CTNNA2: variants seen among roughly 807,000 people sequenced by gnomAD.
CTNNA2 encodes the protein catenin alpha 2, also known as catenin alpha-2.
Under a neutral mutation model 101.0 loss-of-function variants are expected in CTNNA2, and 42 were observed. That is an observed-to-expected ratio of 0.42 (90% CI 0.32 to 0.54). CTNNA2 has a LOEUF of 0.54. CTNNA2 is among the 20% of genes least tolerant of loss of function. CTNNA2 has a pLI of 0.14. For synonymous variants in CTNNA2, 450 were observed against 456.4 expected, an observed-to-expected ratio of 0.99 and a Z score of 0.18; for missense variants, 871 against 1,223.1, an observed-to-expected ratio of 0.71 and a Z score of 4.29.
intron 7 of CTNNA2, among the ~76,000 whole-genome samples, chr2:80,025,254 C>G (rs1057274884): frequency 1.3e-5 from 2 of 152,138 alleles, no homozygotes; most frequent in African/African-American, 4.8e-5. Context: ...GTGAAGTTCT[C>G]AGTTAGGGCC....
At chr2:79,197,428 A>AGACTAG (rs779454010) in intron 1 of CTNNA2, among the ~76,000 whole-genome samples, 1 of 152,232 alleles carries the variant, frequency 6.6e-6, no homozygotes, top group Non-Finnish European at 1.5e-5. Flanking sequence ...AGAAGCTGCC[A>AGACTAG]GTCATTGACC....
At chr2:80,512,436 A>G (rs879583747) in intron 9 of CTNNA2, among the ~76,000 whole-genome samples, 13 of 152,274 alleles carry the variant, frequency 8.5e-5, no homozygotes, top group Admixed American at 8.5e-4. Context: ...TGTAGGTTTA[A>G]AAGATAAACG....
chr2:79,753,982 C>T (rs1415034383), intron 3 of CTNNA2, among the ~76,000 whole-genome samples: 3 of 151,128 alleles, frequency 2.0e-5, no homozygotes, highest in Non-Finnish European at 2.9e-5. Context: ...TATTCTCCTG[C>T]CTCAGCCTCC....
chr2:79,304,380 A>G lies in CTNNA2; in HGVS notation c.-405-8329A>G, dbSNP rs78920503. Among the ~76,000 whole-genome samples the G allele has an allele frequency of 2.6e-3, 394 of 152,312 alleles. 9 individuals carry two copies. The East Asian group carries it at 0.062, about 24-fold the overall frequency. ...TCCCAGAACAGTATCTTAGTATTCT[A>G]AAACTGGTTGAATCACAGAAAAATA... On this transcript the variant is annotated intron_variant, in intron 2 of 21. Coordinates refer to the CTNNA2 transcript ENST00000466387.
At chr2:79,703,950 T>TTG (rs1685175643) in intron 2 of CTNNA2, among the ~76,000 whole-genome samples, 2 of 75,884 alleles carry the variant, frequency 2.6e-5, no homozygotes, top group Admixed American at 1.5e-4. Context: ...CACTTTAAAT[T>TTG]TATGTGATAA....
At chr2:80,295,214 G>A (rs1675634269) in intron 7 of CTNNA2, among the ~76,000 whole-genome samples, 1 of 144,122 alleles carries the variant, frequency 6.9e-6, no homozygotes, top group Non-Finnish European at 1.5e-5. Flanking sequence ...CATTTTGAGA[G>A]TCCTGAACAA....
chr2:80,194,797 A>G (rs1706732452), intron 7 of CTNNA2, among the ~76,000 whole-genome samples: 1 of 150,734 alleles, frequency 6.6e-6, no homozygotes, highest in South Asian at 2.1e-4. Flanking sequence ...GAATCATGCT[A>G]TATACATCTG....
chr2:79,477,168 C>CTTTTTTTTTTTTTTTTTTTTTTTTTTTT (rs5832392), intron 4 of CTNNA2, among the ~76,000 whole-genome samples: 19 of 123,144 alleles, frequency 1.5e-4, no homozygotes, highest in East Asian at 2.6e-4. Context: ...TCTTTTTTTT[C>CTTTTTTTTTTTTTTTTTTTTTTTTTTTT]TTTTTTTTTT....
At chr2:79,967,499 T>C (rs13028697) in intron 7 of CTNNA2, among the ~76,000 whole-genome samples, 52,154 of 151,982 alleles carry the variant, frequency 0.34, 10,277 homozygotes, top group Non-Finnish European at 0.45. Flanking sequence ...TGACCAATTC[T>C]CCAAATAGTA....
chr2:79,387,904 G>T (rs1678122728), intron 4 of CTNNA2, among the ~76,000 whole-genome samples: 1 of 152,192 alleles, frequency 6.6e-6, no homozygotes, highest in Non-Finnish European at 1.5e-5. Context: ...AAAGCAGGGA[G>T]TGAGAATATA....
intron 2 of CTNNA2, among the ~76,000 whole-genome samples, chr2:79,299,628 G>A (rs1409463555): frequency 1.3e-5 from 2 of 152,188 alleles, no homozygotes; most frequent in Non-Finnish European, 1.5e-5. Flanking sequence ...TATGAGGTGT[G>A]TAGGGAAGAA....
chr2:80,171,682 C>A (rs1279539523), intron 7 of CTNNA2, among the ~76,000 whole-genome samples: 1 of 152,148 alleles, frequency 6.6e-6, no homozygotes, highest in Non-Finnish European at 1.5e-5. Flanking sequence ...AAAAGCGATG[C>A]CCAGGGAAAG....
intron 4 of CTNNA2, among the ~76,000 whole-genome samples, chr2:79,406,593 A>G (rs1573150660): frequency 6.6e-6 from 1 of 152,042 alleles, no homozygotes; most frequent in South Asian, 2.1e-4. Flanking sequence ...TATCATCAGT[A>G]TCAGTTACTG....
chr2:80,503,759 A>G (rs566870204), intron 9 of CTNNA2, among the ~76,000 whole-genome samples: 2 of 152,262 alleles, frequency 1.3e-5, no homozygotes, highest in South Asian at 4.1e-4. Flanking sequence ...GTTTGGGTCC[A>G]GAGCCTGGAA....
intron 6 of CTNNA2, among the ~76,000 whole-genome samples, chr2:79,909,167 ACGTG>A (rs201607282): frequency 5.4e-5 from 5 of 92,724 alleles, no homozygotes; most frequent in African/African-American, 2.5e-4. Flanking sequence ...AGGAGGATTA[ACGTG>A]TGTGTATACA....
chr2:79,841,983 G>C (rs1223384766), intron 3 of CTNNA2, among the ~76,000 whole-genome samples: 1 of 152,146 alleles, frequency 6.6e-6, no homozygotes, highest in African/African-American at 2.4e-5. Flanking sequence ...AGAGAAAATG[G>C]TCTTTTTCTT....
intron 9 of CTNNA2, among the ~76,000 whole-genome samples, chr2:80,502,152 C>A (rs1289327858): frequency 6.6e-6 from 1 of 152,150 alleles, no homozygotes; most frequent in East Asian, 1.9e-4. Flanking sequence ...CACATTAAAT[C>A]AGCAGTGCTC....
intron 2 of CTNNA2, among the ~76,000 whole-genome samples, chr2:79,302,651 C>G (rs1188503521): frequency 6.6e-6 from 1 of 152,012 alleles, no homozygotes; most frequent in Non-Finnish European, 1.5e-5. Context: ...GAGAAAGTAC[C>G]CTTTCAAGTA....
rs867820900 is a variant in CTNNA2 at position 80,075,699 on chromosome 2, T to A, written c.1056+165902T>A. 6.3e-4 allele frequency among the ~76,000 whole-genome samples: 51 copies of A among 80,502 alleles called. 3 individuals are homozygous for A. Among genetic ancestry groups the A allele is most frequent in the African/African-American group, 2.8e-3 (41 of 14,846 alleles). 52.8% of individuals were successfully genotyped at this position (80,502 alleles called of 152,430 possible). A position where few individuals can be genotyped will look rare whatever the true frequency, so the allele number is the denominator to read the frequency against. On this transcript the variant is annotated intron_variant, in intron 7 of 18. Coordinates refer to ENST00000402739, the MANE Select transcript of CTNNA2 (RefSeq NM_001282597.3). ...ATATTATAAAAATAATATTTATACT[T>A]GTATAAATATTATAAAAATAATATT...
Sources: allele counts gnomAD v4.1 joint callset (sites outside exome capture counted in the v4.1 genomes callset), GRCh38; gene constraint gnomAD v4.1.1; transcripts MANE v1.5; gene names NCBI Gene and HGNC (gene_info 2026-07-23, HGNC 2026-07-21).